The following FAM98B variants were observed in gnomAD, a reference collection of about 807,000 sequenced individuals.
FAM98B encodes tRNA-splicing ligase complex subunit FAM98B.
FAM98B carries 32 observed loss-of-function variants against 43.9 expected under a neutral mutation model. The ratio of observed to expected loss-of-function variants is 0.73; its 90% confidence interval spans 0.55 to 0.98. The LOEUF (loss-of-function observed/expected upper bound fraction) is 0.98, where lower values mean the gene tolerates loss of function less well. FAM98B is among the 50% of genes least tolerant of loss of function. The pLI, the probability that FAM98B is intolerant of heterozygous loss-of-function variation, is 0.00. For synonymous variants in FAM98B, 190 were observed against 174.0 expected, an observed-to-expected ratio of 1.09 and a Z score of -0.72; for missense variants, 514 against 522.9, an observed-to-expected ratio of 0.98 and a Z score of 0.17.
At chr15:38,473,686 A>G in intron 5 of FAM98B, 101 bp downstream of exon 5, 3 of 813,320 alleles carry the variant, frequency 3.7e-6, no homozygotes, top group Non-Finnish European at 5.7e-6. Context: ...GCATGCATAT[A>G]TTATTTTGTA....
chr15:38,457,721 A>G (rs1271057649), intron 1 of FAM98B, among the ~76,000 whole-genome samples: 1 of 152,118 alleles, frequency 6.6e-6, no homozygotes, highest in Non-Finnish European at 1.5e-5. Flanking sequence ...AAAACTGAGC[A>G]AAGGGGATGT....
intron 6 of FAM98B, 111 bp from the exon 7 acceptor site, chr15:38,481,181 C>A: frequency 2.3e-6 from 2 of 875,744 alleles, no homozygotes; most frequent in Non-Finnish European, 3.5e-6. Flanking sequence ...TCTTTTCTAA[C>A]TCCTTGCTTA....
intron 2 of FAM98B, 109 bp downstream of exon 2, chr15:38,464,286 C>G (rs970946484): frequency 5.6e-6 from 6 of 1,072,268 alleles, no homozygotes; most frequent in African/African-American, 1.6e-5. Flanking sequence ...ATCACATATT[C>G]CAAAGAATTT....
At chr15:38,455,493 G>A (rs536436413) in intron 1 of FAM98B, among the ~76,000 whole-genome samples, 33 of 152,160 alleles carry the variant, frequency 2.2e-4, no homozygotes, top group Admixed American at 1.2e-3. Context: ...GTGACCCAGG[G>A]TTACGGAGTC....
chr15:38,454,410 G>T (rs191594532), intron 1 of FAM98B, among the ~76,000 whole-genome samples, 178 bp downstream of exon 1: 4 of 152,174 alleles, frequency 2.6e-5, no homozygotes, highest in East Asian at 3.9e-4. Flanking sequence ...AATCTATTTG[G>T]GGGGTGGAGC....
At chr15:38,477,987 C>A (rs1890229966) in intron 6 of FAM98B, among the ~76,000 whole-genome samples, 1 of 152,160 alleles carries the variant, frequency 6.6e-6, no homozygotes, top group African/African-American at 2.4e-5. Context: ...GTTGGGTCTC[C>A]AGTTTAACCT....
At position 38,484,333 on chromosome 15, in the gene FAM98B, C is replaced by T; in HGVS notation, c.976C>T (p.Gln326Ter). The T allele has an allele frequency of 6.5e-7, 1 of 1,533,056 alleles. No homozygotes were observed. Among genetic ancestry groups the T allele is most frequent in the Non-Finnish European group, 8.8e-7 (1 of 1,139,236 alleles). 95.0% of individuals were successfully genotyped at this position (1,533,056 alleles called of 1,614,324 possible). A position where few individuals can be genotyped will look rare whatever the true frequency, so the allele number is the denominator to read the frequency against. Residue 326 changes from glutamine to a stop codon, truncating the protein, a stop_gained, in exon 8 of 8, where the codon CAA (glutamine) becomes TAA (stop). Coordinates refer to ENST00000397609, the MANE Select transcript of FAM98B (RefSeq NM_173611.4). LOFTEE classifies it low-confidence loss of function (END_TRUNC). ...ACCACCTCCAGAAATGCCCCCTTGGCAAAAGAGACAAGAAGGCGGCGGTGG... is the reference window on the plus strand; with the variant it reads ...ACCACCTCCAGAAATGCCCCCTTGGTAAAAGAGACAAGAAGGCGGCGGTGG... ...EPPPPEMPPW[Q>*]KRQEGGGGRG...
rs765244862 is a variant in FAM98B, at chr15:38,470,420, T to C, written c.531+15T>C. 3.2e-6 allele frequency: 5 copies of C among 1,569,874 alleles called. No individual in the cohort carries two copies. In the Admixed American group the frequency reaches 6.4e-5, roughly 20 times the overall value. On this transcript the variant is annotated intron_variant, in intron 4 of 7. Transcript: ENST00000397609. ...TGGAATCAAAGGTATTATCTTTGTT[T>C]TATTTTCCCCAAAATTCAACTGAAT...
chr15:38,456,577 A>G (rs1390569660), intron 1 of FAM98B, among the ~76,000 whole-genome samples: 3 of 152,252 alleles, frequency 2.0e-5, no homozygotes, highest in African/African-American at 4.8e-5. Context: ...AGACATGATC[A>G]CAAAAACAAT....
rs867538999 is a variant in FAM98B, at chr15:38,484,629, T to A, written c.1272T>A (p.Gly424=). 5.1e-5 allele frequency: 64 copies of A among 1,266,606 alleles called. No individual in the cohort carries two copies. The highest frequency in any genetic ancestry group is 8.4e-5 in the South Asian group (6 of 71,726). The allele number at this position is 1,266,606 out of a possible 1,614,324, so 78.5% of individuals were successfully genotyped here. The change falls in exon 8 of 8, where the codon GGT becomes GGA. Residue 424 remains glycine (G), a synonymous_variant. Coordinates refer to ENST00000397609, the MANE Select transcript of FAM98B (RefSeq NM_173611.4). ...YGGGGGGGGG[G]GGGGGYRRY is the part of the protein sequence containing the mutation. ...GAGGTGGTGGTGGTGGTGGTGGTGG[T>A]GGTGGAGGAGGTGGATATAGAAGAT... is the stretch of plus-strand genomic sequence containing the variant.
intron 1 of FAM98B, chr15:38,459,331 C>T (rs972550894): frequency 1.6e-5 from 8 of 487,308 alleles, no homozygotes; most frequent in Admixed American, 8.4e-5. Context: ...GGAGCAGATC[C>T]GACTTAGCAG....
chr15:38,455,580 C>G (rs954316087), intron 1 of FAM98B, among the ~76,000 whole-genome samples: 13 of 152,198 alleles, frequency 8.5e-5, no homozygotes, highest in African/African-American at 3.1e-4. Context: ...GGCATTTTTA[C>G]TTCTGTGAAG....
intron 1 of FAM98B, among the ~76,000 whole-genome samples, chr15:38,458,528 C>T (rs796182572): frequency 6.6e-6 from 1 of 152,150 alleles, no homozygotes; most frequent in Non-Finnish European, 1.5e-5. Context: ...ACACACATCT[C>T]GGGAACCCAA....
At position 38,484,602 on chromosome 15, in the gene FAM98B, A is replaced by C; in HGVS notation, c.1245A>C (p.Gly415=). The part of the protein sequence containing the change: ...YGGRGYGDPY[G]GGGGGGGGGG... ...GAAGAGGCTATGGAGATCCATATGG[A>C]GGAGGTGGTGGTGGTGGTGGTGGTG... Residue 415 remains glycine (G), a synonymous_variant, in exon 8 of 8, where the codon GGA becomes GGC. Transcript: ENST00000397609. 9.9e-7 allele frequency: 1 copy of C among 1,009,682 alleles called. No homozygotes were observed. Among genetic ancestry groups the C allele is most frequent in the South Asian group, 1.6e-5 (1 of 62,666 alleles). 62.5% of individuals were successfully genotyped at this position (1,009,682 alleles called of 1,614,324 possible). A position where few individuals can be genotyped will look rare whatever the true frequency, so the allele number is the denominator to read the frequency against.
intron 1 of FAM98B, among the ~76,000 whole-genome samples, chr15:38,456,049 G>T (rs1466527407): frequency 6.6e-6 from 1 of 152,216 alleles, no homozygotes. Flanking sequence ...TGCATTTTCT[G>T]TTGTAAGGTA....
chr15:38,459,082 C>T (rs1893800713), intron 1 of FAM98B: 1 of 344,946 alleles, frequency 2.9e-6, no homozygotes, highest in Admixed American at 3.5e-5. Context: ...GTGAAGGGAA[C>T]ACATTCAAAG....
At chr15:38,471,321 C>T (rs987997948) in intron 4 of FAM98B, among the ~76,000 whole-genome samples, 2 of 151,798 alleles carry the variant, frequency 1.3e-5, no homozygotes, top group African/African-American at 2.4e-5. Flanking sequence ...ACTTGCAAAC[C>T]AGAGAGTAAG....
chr15:38,481,144 A>G (rs1359311248), intron 6 of FAM98B, 148 bp from the exon 7 acceptor site: 1 of 606,436 alleles, frequency 1.6e-6, no homozygotes. Context: ...ATTATTCATA[A>G]ATTCTCAGAT....
chr15:38,481,688 T>G, intron 7 of FAM98B: 1 of 1,308,110 alleles, frequency 7.6e-7, no homozygotes, highest in Middle Eastern at 2.7e-4. Flanking sequence ...AATTATGAAT[T>G]GTTTTTGTCA....
Sources: gnomAD v4.1 joint callset for allele counts (sites outside exome capture counted in the v4.1 genomes callset) on GRCh38, gnomAD v4.1.1 for gene constraint, MANE v1.5 for transcripts, NCBI Gene and HGNC (gene_info 2026-07-23, HGNC 2026-07-21) for gene names.